The following ADK variants were observed in gnomAD, a reference collection of about 807,000 sequenced individuals.
The protein encoded by ADK is N6,N6-dimethyladenosine kinase.
ADK carries 24 observed loss-of-function variants against 44.7 expected under a neutral mutation model. The observed-to-expected ratio is 0.54, with a 90% CI of 0.39 to 0.76. The LOEUF (loss-of-function observed/expected upper bound fraction) is 0.76, where lower values mean the gene tolerates loss of function less well. Among genes scored for constraint, ADK ranks in the 30% least tolerant of loss-of-function variants. The pLI, the probability that ADK is intolerant of heterozygous loss-of-function variation, is 0.00. For missense variants in ADK, 321 were observed against 425.1 expected, an observed-to-expected ratio of 0.76 and a Z score of 2.15; for synonymous variants, 128 against 142.6, an observed-to-expected ratio of 0.90 and a Z score of 0.73.
At chr10:74,282,680 A>T (rs929703557) in intron 3 of ADK, among the ~76,000 whole-genome samples, 1 of 152,172 alleles carries the variant, frequency 6.6e-6, no homozygotes, top group Non-Finnish European at 1.5e-5. Flanking sequence ...TTCTTCAGAA[A>T]TGTTCTTGGT....
chr10:74,271,115 T>G (rs1050544719), intron 3 of ADK, among the ~76,000 whole-genome samples: 5 of 152,152 alleles, frequency 3.3e-5, no homozygotes, highest in Non-Finnish European at 5.9e-5. Flanking sequence ...CTTAACCTAC[T>G]TATAAACAGA....
chr10:74,442,152 C>G (rs1845434681), intron 6 of ADK, among the ~76,000 whole-genome samples: 1 of 151,872 alleles, frequency 6.6e-6, no homozygotes, highest in Non-Finnish European at 1.5e-5. Flanking sequence ...ATTACTCCCC[C>G]ACCCCCACTT....
At chr10:74,307,664 G>A (rs1325782512) in intron 3 of ADK, among the ~76,000 whole-genome samples, 1 of 152,152 alleles carries the variant, frequency 6.6e-6, no homozygotes, top group East Asian at 1.9e-4. Context: ...ATTTTTTGAA[G>A]TTTGCTAGAG....
At chr10:74,486,736 G>GT (rs1019066289) in intron 6 of ADK, among the ~76,000 whole-genome samples, 1 of 151,950 alleles carries the variant, frequency 6.6e-6, no homozygotes, top group Admixed American at 6.6e-5. Context: ...GTGGTTCTTA[G>GT]TTTTTTTATC....
chr10:74,575,843 A>G (rs1001438550), intron 7 of ADK, among the ~76,000 whole-genome samples: 1 of 152,182 alleles, frequency 6.6e-6, no homozygotes, highest in African/African-American at 2.4e-5. Flanking sequence ...TGAGACTAGT[A>G]CTGGAGACTG....
intron 6 of ADK, among the ~76,000 whole-genome samples, chr10:74,416,028 A>G (rs1844357659): frequency 1.2e-5 from 1 of 86,504 alleles, no homozygotes. Context: ...ACACACATAC[A>G]TATATACACA....
At chr10:74,602,890 T>C (rs1852190670) in intron 9 of ADK, among the ~76,000 whole-genome samples, 2 of 152,204 alleles carry the variant, frequency 1.3e-5, no homozygotes, top group South Asian at 4.1e-4. Flanking sequence ...GAATTAAAGA[T>C]TTTCATTTCC....
chr10:74,403,147 G>A (rs1288101413), intron 6 of ADK, among the ~76,000 whole-genome samples: 1 of 152,140 alleles, frequency 6.6e-6, no homozygotes, highest in Non-Finnish European at 1.5e-5. Flanking sequence ...GGTGTCTGTT[G>A]GCCCCTACTG....
intron 1 of ADK, among the ~76,000 whole-genome samples, chr10:74,153,975 G>A (rs1841683833): frequency 6.6e-6 from 1 of 152,170 alleles, no homozygotes; most frequent in Non-Finnish European, 1.5e-5. Flanking sequence ...GTAAGGCACA[G>A]GTACCATCCT....
intron 9 of ADK, among the ~76,000 whole-genome samples, chr10:74,614,583 C>T (rs1852676261): frequency 6.6e-6 from 1 of 152,134 alleles, no homozygotes; most frequent in African/African-American, 2.4e-5. Flanking sequence ...TAACCATTGT[C>T]TTAGCTTCTA....
intron 3 of ADK, among the ~76,000 whole-genome samples, chr10:74,275,531 C>T (rs909010890): frequency 2.0e-5 from 3 of 152,148 alleles, no homozygotes; most frequent in Non-Finnish European, 2.9e-5. Flanking sequence ...CCTATGGCTA[C>T]AAGAAAAATC....
At chr10:74,676,075 T>C (rs1216769088) in intron 10 of ADK, among the ~76,000 whole-genome samples, 1 of 151,792 alleles carries the variant, frequency 6.6e-6, no homozygotes, top group Non-Finnish European at 1.5e-5. Context: ...TCATTAAGTA[T>C]GGTTAAAAGC....
rs145741917 is a variant in ADK at position 74,316,929 on chromosome 10, C to T, written c.273+2184C>T. Among the ~76,000 whole-genome samples the T allele has an allele frequency of 2.7e-4, 41 of 152,042 alleles. No individual in the cohort carries two copies. The East Asian group carries it at 3.9e-3, about 14-fold the overall frequency. On this transcript the variant is annotated intron_variant, in intron 4 of 10. Coordinates refer to ENST00000539909, the MANE Select transcript of ADK (RefSeq NM_006721.4). ...CAATATTTCACATTCATTCTAACAA[C>T]GTATTCTAGTAGTGGTTTATTTGTT...
rs943466785 is a variant in ADK, at chr10:74,612,096, T to C, written c.877+11603T>C. 2.0e-5 allele frequency among the ~76,000 whole-genome samples: 3 copies of C among 152,222 alleles called. No homozygotes were observed. The East Asian group carries it at 5.8e-4, about 29-fold the overall frequency. On this transcript the variant is annotated intron_variant, in intron 9 of 10. Coordinates refer to ENST00000539909, the MANE Select transcript of ADK (RefSeq NM_006721.4). The stretch of plus-strand genomic sequence containing the variant: ...AACTAACTTACATTCCCACCAACAG[T>C]ATGTGTTTCCTTTTCTCTGTATCCT...
intron 6 of ADK, among the ~76,000 whole-genome samples, chr10:74,460,279 A>G (rs776144219): frequency 3.3e-5 from 5 of 152,204 alleles, no homozygotes; most frequent in Non-Finnish European, 7.3e-5. Context: ...CATCCTCTTG[A>G]CATAAACTGT....
At chr10:74,642,912 T>C (rs1263190130) in intron 9 of ADK, among the ~76,000 whole-genome samples, 1 of 145,048 alleles carries the variant, frequency 6.9e-6, no homozygotes, top group Non-Finnish European at 1.5e-5. Flanking sequence ...TGATCATAGC[T>C]CACTGTAGCC....
At chr10:74,541,110 G>A (rs1237575358) in intron 7 of ADK, among the ~76,000 whole-genome samples, 2 of 152,076 alleles carry the variant, frequency 1.3e-5, no homozygotes, top group East Asian at 3.9e-4. Flanking sequence ...CACCTTCCGG[G>A]TTCAAGCAAT....
At chr10:74,693,447 G>T (rs751593030) in intron 10 of ADK, among the ~76,000 whole-genome samples, 10 of 152,098 alleles carry the variant, frequency 6.6e-5, no homozygotes, top group Non-Finnish European at 1.0e-4. Flanking sequence ...CTGCCTTAAG[G>T]TGCTATGGCT....
chr10:74,528,465 TAAAAAA>T (rs542288544), intron 7 of ADK, among the ~76,000 whole-genome samples: 1 of 131,452 alleles, frequency 7.6e-6, no homozygotes, highest in African/African-American at 2.8e-5. Context: ...AATCTTCACT[TAAAAAA>T]AAAAAAAAGA....
Sources: allele counts gnomAD v4.1 joint callset (sites outside exome capture counted in the v4.1 genomes callset), GRCh38; gene constraint gnomAD v4.1.1; transcripts MANE v1.5; gene names NCBI Gene and HGNC (gene_info 2026-07-23, HGNC 2026-07-21).